Variants in DOCK3 observed in about 807,000 individuals in gnomAD.
DOCK3 encodes the protein dedicator of cytokinesis protein 3.
A neutral mutation model predicts 265.6 loss-of-function variants in DOCK3; 60 were observed. The observed-to-expected ratio is 0.23, with a 90% CI of 0.18 to 0.28. DOCK3 has a LOEUF of 0.28. Ranked by LOEUF, DOCK3 falls within the 10% of genes least tolerant of loss-of-function variation. The probability of loss-of-function intolerance (pLI) is 1.00; values close to 1 mark genes in which losing one functional copy is unlikely to be tolerated. For missense variants in DOCK3, 1,981 were observed against 2,594.3 expected (o/e 0.76, Z 5.14); for synonymous variants, 881 against 938.0 (o/e 0.94, Z 1.11).
chr3:50,986,946 C>T (rs2077925708), intron 5 of DOCK3, among the ~76,000 whole-genome samples: 1 of 152,230 alleles, frequency 6.6e-6, no homozygotes, highest in African/African-American at 2.4e-5. Flanking sequence ...AACCCATTGC[C>T]TAGCAACCAC....
chr3:51,043,123 C>T (rs1223230650), intron 5 of DOCK3, among the ~76,000 whole-genome samples: 1 of 152,142 alleles, frequency 6.6e-6, no homozygotes, highest in African/African-American at 2.4e-5. Context: ...AAAAAAGAGC[C>T]TGAATAGCTA....
chr3:51,272,107 A>G (rs2080534455), intron 24 of DOCK3, among the ~76,000 whole-genome samples: 1 of 152,228 alleles, frequency 6.6e-6, no homozygotes, highest in Non-Finnish European at 1.5e-5. Flanking sequence ...TCTGCCTTGC[A>G]GGGACAACCA....
chr3:51,042,765 G>A (rs1168278529), intron 5 of DOCK3, among the ~76,000 whole-genome samples: 1 of 152,160 alleles, frequency 6.6e-6, no homozygotes, highest in Admixed American at 6.5e-5. Flanking sequence ...CACAATCAAT[G>A]TGCAATAATT....
At chr3:50,872,757 A>G (rs1347739836) in intron 3 of DOCK3, among the ~76,000 whole-genome samples, 1 of 152,152 alleles carries the variant, frequency 6.6e-6, no homozygotes, top group Non-Finnish European at 1.5e-5. Context: ...ACCACAAGAC[A>G]CCATCCTTCC....
At chr3:50,800,382 A>C (rs201567301) in intron 2 of DOCK3, among the ~76,000 whole-genome samples, 14,312 of 151,956 alleles carry the variant, frequency 0.094, 822 homozygotes, top group Non-Finnish European at 0.12. Flanking sequence ...TATTATTGTT[A>C]TTGGTTCAGA....
intron 3 of DOCK3, among the ~76,000 whole-genome samples, chr3:50,864,658 A>G (rs1430012482): frequency 1.3e-5 from 2 of 152,026 alleles, no homozygotes; most frequent in Non-Finnish European, 2.9e-5. Flanking sequence ...GTTCTTCTGC[A>G]TAGGGATATC....
intron 1 of DOCK3, among the ~76,000 whole-genome samples, chr3:50,738,486 A>G (rs1035574634): frequency 1.3e-5 from 2 of 152,152 alleles, no homozygotes; most frequent in Admixed American, 6.6e-5. Flanking sequence ...TCATTTTAGA[A>G]ATCAATGTCT....
At chr3:51,177,951 C>T (rs1339461877) in intron 12 of DOCK3, among the ~76,000 whole-genome samples, 1 of 150,852 alleles carries the variant, frequency 6.6e-6, no homozygotes, top group Non-Finnish European at 1.5e-5. Context: ...GATCATGCCA[C>T]TGCACTCCAA....
At position 51,310,343 on chromosome 3, in the gene DOCK3, T is replaced by C; in HGVS notation, c.3017+17T>C. ...CACAAGCAAGTAAGTATGGAAGGGC[T>C]CTGTATCAGCATCACTGAGCTGTTC... On this transcript the variant is annotated intron_variant, in intron 28 of 52. Coordinates refer to ENST00000266037, the MANE Select transcript of DOCK3 (RefSeq NM_004947.5). 1 of 1,565,028 alleles carries C rather than the reference T, an allele frequency of 6.4e-7. No individual in the cohort carries two copies. Among genetic ancestry groups the C allele is most frequent in the Non-Finnish European group, 8.7e-7 (1 of 1,149,082 alleles).
chr3:50,950,765 C>T (rs2076568166), intron 5 of DOCK3, among the ~76,000 whole-genome samples: 1 of 152,112 alleles, frequency 6.6e-6, no homozygotes, highest in Admixed American at 6.5e-5. Context: ...GGCAGGTGCT[C>T]ACAGGGCAAG....
chr3:51,072,646 G>A lies in DOCK3; in HGVS notation c.465-2710G>A, dbSNP rs1273369954. On this transcript the variant is annotated intron_variant, in intron 6 of 52. Transcript: ENST00000266037. ...TCAGTCTTGAACTCTGACCTCAGGTGATCCACCCACCTCAGCCTCCCAAAG... is the reference window on the plus strand; with the variant it reads ...TCAGTCTTGAACTCTGACCTCAGGTAATCCACCCACCTCAGCCTCCCAAAG... Among the ~76,000 whole-genome samples, 3 of 152,012 alleles carry A rather than the reference G, an allele frequency of 2.0e-5. No homozygotes were observed. The East Asian group carries it at 5.8e-4, about 29-fold the overall frequency.
At chr3:51,299,171 GTGA>G (rs1318722275) in intron 27 of DOCK3, among the ~76,000 whole-genome samples, 1 of 152,146 alleles carries the variant, frequency 6.6e-6, no homozygotes, top group African/African-American at 2.4e-5. Flanking sequence ...CTAATGATCA[GTGA>G]TGTTCAGCTT....
intron 2 of DOCK3, among the ~76,000 whole-genome samples, chr3:50,785,402 C>T (rs974804214): frequency 1.3e-5 from 2 of 152,126 alleles, no homozygotes; most frequent in African/African-American, 4.8e-5. Context: ...TTCCAGTTCT[C>T]AGGTGGAATG....
chr3:51,018,919 A>C (rs1052303088), intron 5 of DOCK3, among the ~76,000 whole-genome samples: 1 of 151,840 alleles, frequency 6.6e-6, no homozygotes, highest in Non-Finnish European at 1.5e-5. Context: ...TTTATTGTAT[A>C]TATTGTTAGA....
At chr3:51,036,776 A>G (rs1211484692) in intron 5 of DOCK3, among the ~76,000 whole-genome samples, 1 of 152,018 alleles carries the variant, frequency 6.6e-6, no homozygotes, top group Non-Finnish European at 1.5e-5. Flanking sequence ...GCCATGTGTC[A>G]TGGGAGGAAC....
intron 9 of DOCK3, among the ~76,000 whole-genome samples, chr3:51,141,480 T>A (rs2085067991): frequency 6.6e-6 from 1 of 152,126 alleles, no homozygotes. Context: ...TATGATTCAT[T>A]TTTACTTAAT....
At chr3:51,109,125 C>T (rs954832665) in intron 9 of DOCK3, among the ~76,000 whole-genome samples, 7 of 152,070 alleles carry the variant, frequency 4.6e-5, no homozygotes, top group African/African-American at 2.4e-5. Context: ...CACCGTTAGA[C>T]ATAAAACAAT....
At chr3:50,742,687 G>A (rs2039136858) in intron 1 of DOCK3, among the ~76,000 whole-genome samples, 1 of 151,950 alleles carries the variant, frequency 6.6e-6, no homozygotes, top group African/African-American at 2.4e-5. Context: ...CAAGAAATAT[G>A]GGACTATGTG....
At chr3:51,012,391 C>A (rs2078987478) in intron 5 of DOCK3, among the ~76,000 whole-genome samples, 1 of 152,198 alleles carries the variant, frequency 6.6e-6, no homozygotes, top group African/African-American at 2.4e-5. Flanking sequence ...GCAGTTCGAT[C>A]TCAGACTGCT....
Sources: gnomAD v4.1 joint callset for allele counts (sites outside exome capture counted in the v4.1 genomes callset) on GRCh38, gnomAD v4.1.1 for gene constraint, MANE v1.5 for transcripts, NCBI Gene and HGNC (gene_info 2026-07-23, HGNC 2026-07-21) for gene names.